Variants in CARMIL3 observed in about 807,000 individuals in gnomAD.
CARMIL3 encodes capping protein, Arp2/3 and myosin-I linker protein 3.
In CARMIL3, 88 loss-of-function variants were observed where a neutral mutation model predicts 180.8. The observed-to-expected ratio is 0.49, with a 90% confidence interval of 0.41 to 0.58. The LOEUF (loss-of-function observed/expected upper bound fraction) is 0.58, where lower values mean the gene tolerates loss of function less well. Ranked by LOEUF, CARMIL3 falls within the 20% of genes least tolerant of loss-of-function variation. The pLI is 0.00. For synonymous variants in CARMIL3, 696 were observed against 714.5 expected, an observed-to-expected ratio of 0.97 and a Z score of 0.41; for missense variants, 1,548 against 1,787.0, an observed-to-expected ratio of 0.87 and a Z score of 2.41.
chr14:24,060,633 G>A lies in CARMIL3; in HGVS notation c.2067G>A (p.Leu689=), dbSNP rs780606525. The A allele has an allele frequency of 6.8e-6, 11 of 1,613,694 alleles. No homozygotes were observed. Among genetic ancestry groups the A allele is most frequent in the Admixed American group, 1.7e-5 (1 of 59,982 alleles). The change falls in exon 25 of 40, where the codon CTG becomes CTA. Residue 689 remains leucine, a synonymous_variant. Coordinates refer to ENST00000342740, the MANE Select transcript of CARMIL3 (RefSeq NM_138360.4). The part of the protein sequence containing the change: ...GLVTSSAEQM[L]QRLCGRVQEE... ...CCCCTGCCACTGTGCTCCAGATGCT[G>A]CAGCGGCTGTGTGGACGAGTGCAGG...
rs1373369258 is a variant in CARMIL3 at position 24,059,199 on chromosome 14, T to C, written c.1626+10T>C. 3.5e-5 allele frequency: 56 copies of C among 1,613,344 alleles called. No individual in the cohort carries two copies. Among genetic ancestry groups the C allele is most frequent in the Non-Finnish European group, 4.7e-5 (55 of 1,179,866 alleles). ...CCAGGAAGAGGACTGTGTGAGTGCC[T>C]GGGCCTGGGAGGGGACCTGCAGTCG... is the stretch of plus-strand genomic sequence containing the variant. On this transcript the variant is annotated intron_variant, in intron 20 of 39. Coordinates refer to ENST00000342740, the MANE Select transcript of CARMIL3 (RefSeq NM_138360.4). This position sits in a 1 kb window ranked among gnomAD's most constrained non-coding sequence, Gnocchi z 6.3.
At position 24,059,682 on chromosome 14, in the gene CARMIL3, G is replaced by T. The variant is rs148906469; in HGVS notation, c.1818G>T (p.Arg606=). The change falls in exon 22 of 40, where the codon CGG becomes CGT. Residue 606 remains arginine, a synonymous_variant. Coordinates refer to ENST00000342740, the MANE Select transcript of CARMIL3 (RefSeq NM_138360.4). The surrounding 1 kb of genome is among the most constrained non-coding windows in gnomAD (Gnocchi z 6.3). The stretch of plus-strand genomic sequence containing the variant: ...CCCCCAGAACTATCCTATGGGATCG[G>T]AACAATACATCTGCCCTGGGCTTCC... ...NSSLRTILWD[R]NNTSALGFLD... The T allele has an allele frequency of 4.3e-6, 7 of 1,614,026 alleles. No homozygotes were observed. The highest frequency in any genetic ancestry group is 5.9e-6 in the Non-Finnish European group (7 of 1,180,002).
At chr14:24,055,331 C>T in intron 8 of CARMIL3, 21 bp downstream of exon 8, 1 of 1,613,462 alleles carries the variant, frequency 6.2e-7, no homozygotes, top group African/African-American at 1.3e-5. Flanking sequence ...GGGGCAGAGA[C>T]TCCACCCTCA....
At position 24,065,612 on chromosome 14, in the gene CARMIL3, C is replaced by T. The variant is rs1211283261; in HGVS notation, c.3397-10C>T. ...TGGGAACTGCTAATAAATAAGAGACCTTGTTCTAGGGCACTGAGGGGTCAG... is the reference window on the plus strand; with the variant it reads ...TGGGAACTGCTAATAAATAAGAGACTTTGTTCTAGGGCACTGAGGGGTCAG... On this transcript the variant is annotated splice_polypyrimidine_tract_variant and intron_variant, in intron 33 of 39. Coordinates refer to ENST00000342740, the MANE Select transcript of CARMIL3 (RefSeq NM_138360.4). 7 of 1,597,760 alleles carry T rather than the reference C, an allele frequency of 4.4e-6. No individual in the cohort carries two copies. The highest frequency in any genetic ancestry group is 2.7e-5 in the African/African-American group (2 of 73,804).
rs954680135 is a variant in CARMIL3, at chr14:24,060,068, A to T, written c.1962+5A>T. 4 of 1,613,810 alleles carry T rather than the reference A, an allele frequency of 2.5e-6. No homozygotes were observed. The African/African-American group carries it at 4.0e-5, about 16-fold the overall frequency. On this transcript the variant is annotated splice_donor_5th_base_variant and intron_variant, in intron 23 of 39. Coordinates refer to ENST00000342740, the MANE Select transcript of CARMIL3 (RefSeq NM_138360.4). ...ACCGAGGACGTCTGGCAGAAGGTGC[A>T]GGGTGCTGTCCTAAGCAGGGTGGCA... is the stretch of plus-strand genomic sequence containing the variant.
Position 24,056,567 on chromosome 14 carries a change from AC to A in CARMIL3, c.866-53del, listed in dbSNP as rs1432095256. ...CGAGCCCCCAACCTGACTCTGTGCC[AC>A]CTGCACCCACTGCCCTGCCCCTCAC... On this transcript the variant is annotated intron_variant, in intron 11 of 39. Coordinates refer to ENST00000342740, the MANE Select transcript of CARMIL3 (RefSeq NM_138360.4). The A allele has an allele frequency of 1.0e-5, 16 of 1,581,280 alleles. No individual in the cohort carries two copies. The African/African-American group carries it at 2.0e-4, about 20-fold the overall frequency.
At chr14:24,052,235 C>T (rs114949695) in intron 1 of CARMIL3, 42 bp downstream of exon 1, 3 of 1,544,322 alleles carry the variant, frequency 1.9e-6, no homozygotes, top group African/African-American at 1.4e-5. Flanking sequence ...CGTCCGGGAG[C>T]ATCCCAGACC....
At chr14:24,062,954 G>T in intron 29 of CARMIL3, 108 bp downstream of exon 29, 2 of 1,541,704 alleles carry the variant, frequency 1.3e-6, no homozygotes. Flanking sequence ...ACCTCACTGT[G>T]CCTGGCCTTC....
Position 24,058,597 on chromosome 14 carries a change from G to C in CARMIL3, c.1393-83G>C. ...GATCCTGGCATGACTTTGAGTTCTG[G>C]TGTGACTACTATATCCTAAGCATTA... On this transcript the variant is annotated intron_variant, in intron 17 of 39. Transcript: ENST00000342740. This position sits in a 1 kb window ranked among gnomAD's most constrained non-coding sequence, Gnocchi z 6.4. 1 of 1,081,528 alleles carries C rather than the reference G, an allele frequency of 9.2e-7. No homozygotes were observed. Among genetic ancestry groups the C allele is most frequent in the Non-Finnish European group, 1.4e-6 (1 of 731,522 alleles). The allele number at this position is 1,081,528 out of a possible 1,614,324, so 67.0% of individuals were successfully genotyped here.
In CARMIL3 at chr14:24,060,162, A is replaced by G. The variant is rs745581138; in HGVS notation, c.1968A>G (p.Gln656=). 16 of 1,614,002 alleles carry G rather than the reference A, an allele frequency of 9.9e-6. No homozygotes were observed. In the African/African-American group the frequency reaches 1.2e-4, roughly 12 times the overall value. Residue 656 remains glutamine (Q), a synonymous_variant, in exon 24 of 40, where the codon CAA becomes CAG. Transcript: ENST00000342740. ...ERTEDVWQKI[Q]WCLVRNNHSQ... Reference sequence around the variant, plus strand: ...ACCAACCCCATCATCTCCAGATCCAATGGTGCTTAGTGAGGAACAACCACT... The same window carrying G: ...ACCAACCCCATCATCTCCAGATCCAGTGGTGCTTAGTGAGGAACAACCACT...
At chr14:24,066,292 C>T in intron 34 of CARMIL3, 106 bp from the exon 35 acceptor site, 1 of 1,332,324 alleles carries the variant, frequency 7.5e-7, no homozygotes, top group Non-Finnish European at 1.1e-6. Flanking sequence ...TGTCTAGGGA[C>T]TAATGACATG....
At position 24,058,724 on chromosome 14, in the gene CARMIL3, T is replaced by A; in HGVS notation, c.1437T>A (p.Ala479=). Residue 479 remains alanine, a synonymous_variant, in exon 18 of 40, where the codon GCT becomes GCA. Coordinates refer to ENST00000342740, the MANE Select transcript of CARMIL3 (RefSeq NM_138360.4). The surrounding 1 kb of genome is among the most constrained non-coding windows in gnomAD (Gnocchi z 6.4). ...AAGCCTTGCAGGAGCAGCTGGGAGC[T>A]GTCACCTGTGTAGGCAGCCTGGATC... ...GAQALQEQLG[A]VTCVGSLDLS... The A allele has an allele frequency of 6.2e-7, 1 of 1,614,130 alleles. No homozygotes were observed. Among genetic ancestry groups the A allele is most frequent in the Non-Finnish European group, 8.5e-7 (1 of 1,180,006 alleles).
rs1238515022 is a variant in CARMIL3, at chr14:24,054,449, A to G, written c.300A>G (p.Glu100=). The G allele has an allele frequency of 6.2e-7, 1 of 1,613,974 alleles. No individual in the cohort carries two copies. The highest frequency in any genetic ancestry group is 8.5e-7 in the Non-Finnish European group (1 of 1,180,018). Residue 100 remains glutamate (E), a synonymous_variant, in exon 5 of 40, where the codon GAA becomes GAG. Transcript: ENST00000342740. The surrounding 1 kb of genome is among the most constrained non-coding windows in gnomAD (Gnocchi z 5.1). ...GMVSMRLPSA[E]SVDQVTRHVS... The stretch of plus-strand genomic sequence containing the variant: ...TGAGCATGCGACTGCCATCAGCTGA[A>G]AGTGTGGACCAGGTGACACGACATG...
At position 24,065,738 on chromosome 14, in the gene CARMIL3, T is replaced by C; in HGVS notation, c.3513T>C (p.Asp1171=). 6.2e-7 allele frequency: 1 copy of C among 1,613,944 alleles called. No individual in the cohort carries two copies. Among genetic ancestry groups the C allele is most frequent in the Non-Finnish European group, 8.5e-7 (1 of 1,179,896 alleles). The change falls in exon 34 of 40, where the codon GAT becomes GAC. Residue 1171 remains aspartate, a synonymous_variant. Transcript: ENST00000342740. The part of the protein sequence containing the change: ...GLERAKGWSF[D]GKREGPGPDQ... ...AAAGAGCCAAGGGTTGGAGCTTCGATGGGAAACGAGAGGTGAGTGGAGCCT... is the reference window on the plus strand; with the variant it reads ...AAAGAGCCAAGGGTTGGAGCTTCGACGGGAAACGAGAGGTGAGTGGAGCCT...
chr14:24,063,503 GACC>G lies in CARMIL3; in HGVS notation c.2952_2954del (p.Thr985del), dbSNP rs770939364. ...CACAAGGGAGGCCCCGCCCCCCCAG[GACC>G]ACACCTCCAGGACCTGGTCGACCCA... On this transcript the variant is annotated inframe_deletion, in exon 31 of 40. Transcript: ENST00000342740. 26 of 1,613,008 alleles carry G rather than the reference GACC, an allele frequency of 1.6e-5. No homozygotes were observed. Among genetic ancestry groups the G allele is most frequent in the Non-Finnish European group, 2.1e-5 (25 of 1,179,920 alleles).
chr14:24,063,526 G>A lies in CARMIL3; in HGVS notation c.2972G>A (p.Arg991Gln), dbSNP rs1392898669. 9 of 1,609,572 alleles carry A rather than the reference G, an allele frequency of 5.6e-6. No homozygotes were observed. Among genetic ancestry groups the A allele is most frequent in the South Asian group, 1.1e-5 (1 of 90,764 alleles). ...PPRTTPPGPG[R>Q]PSMPAPGTRQ... The stretch of plus-strand genomic sequence containing the variant: ...AGGACCACACCTCCAGGACCTGGTC[G>A]ACCCAGTGTGAGTCCCTAAGGCTTC... Residue 991 changes from arginine to glutamine, a missense_variant, in exon 31 of 40, where the codon CGA (arginine) becomes CAA (glutamine). Coordinates refer to ENST00000342740, the MANE Select transcript of CARMIL3 (RefSeq NM_138360.4).
Position 24,061,115 on chromosome 14 carries a change from C to T in CARMIL3, c.2304+75C>T. ...GAGGCCCTAAGCCCAGAGCTAAAGT[C>T]AGAGCTGGGAGACTTCTGGAGGGCC... On this transcript the variant is annotated intron_variant, in intron 26 of 39. Coordinates refer to ENST00000342740, the MANE Select transcript of CARMIL3 (RefSeq NM_138360.4). The surrounding 1 kb of genome is among the most constrained non-coding windows in gnomAD (Gnocchi z 4.1). 2 of 1,356,222 alleles carry T rather than the reference C, an allele frequency of 1.5e-6. No individual in the cohort carries two copies. The highest frequency in any genetic ancestry group is 2.0e-6 in the Non-Finnish European group (2 of 976,642). 84.0% of individuals were successfully genotyped at this position (1,356,222 alleles called of 1,614,324 possible). A position where few individuals can be genotyped will look rare whatever the true frequency, so the allele number is the denominator to read the frequency against.
Position 24,060,753 on chromosome 14 carries a change from G to A in CARMIL3, c.2187G>A (p.Arg729=). The A allele has an allele frequency of 1.2e-6, 2 of 1,613,264 alleles. No homozygotes were observed. Among genetic ancestry groups the A allele is most frequent in the Non-Finnish European group, 1.7e-6 (2 of 1,179,610 alleles). ...TCATCAAAGATGCCAAGAACTCCCG[G>A]GCGGTGAGCCCTCCACAGGCTACCC... ...RDLIKDAKNS[R]ALFPSLYELG... is the part of the protein sequence containing the mutation. The change falls in exon 25 of 40, where the codon CGG becomes CGA. Residue 729 remains arginine (R), a synonymous_variant. Transcript: ENST00000342740.
chr14:24,054,155 A>T lies in CARMIL3; in HGVS notation c.186+17A>T, dbSNP rs1370534130. 2 of 1,614,078 alleles carry T rather than the reference A, an allele frequency of 1.2e-6. No individual in the cohort carries two copies. The highest frequency in any genetic ancestry group is 2.7e-5 in the African/African-American group (2 of 75,014). ...CCGGCCAAGGTGAGTTGGGCTGAGGAGCAGGAGAGCACCTGGCATGCTCCC... is the reference window on the plus strand; with the variant it reads ...CCGGCCAAGGTGAGTTGGGCTGAGGTGCAGGAGAGCACCTGGCATGCTCCC... On this transcript the variant is annotated intron_variant, in intron 3 of 39. Transcript: ENST00000342740. The surrounding 1 kb of genome is among the most constrained non-coding windows in gnomAD (Gnocchi z 5.1).
Sources: gnomAD v4.1 joint callset for allele counts on GRCh38, gnomAD v4.1.1 for gene constraint, Gnocchi (gnomAD v3.1) non-coding constraint, MANE v1.5 for transcripts, NCBI Gene and HGNC (gene_info 2026-07-23, HGNC 2026-07-21) for gene names.